CHRNA1: variants seen among roughly 807,000 people sequenced by gnomAD.
CHRNA1 encodes the protein cholinergic receptor nicotinic alpha 1 subunit.
Under a neutral mutation model 47.1 loss-of-function variants are expected in CHRNA1, and 35 were observed. That is an observed-to-expected ratio of 0.74 (90% CI 0.57 to 0.99). The LOEUF is 0.99. Ranked by LOEUF, CHRNA1 falls within the 50% of genes least tolerant of loss-of-function variation. The pLI is 0.00. For synonymous variants in CHRNA1, 229 were observed against 223.6 expected (o/e 1.02, Z -0.22); for missense variants, 506 against 591.1 (o/e 0.86, Z 1.49).
chr2:174,755,395 C>T (rs1683959962), intron 4 of CHRNA1, among the ~76,000 whole-genome samples: 1 of 151,816 alleles, frequency 6.6e-6, no homozygotes. Flanking sequence ...TTGGATTCTT[C>T]CTCGGAAGCT....
intron 1 of CHRNA1, among the ~76,000 whole-genome samples, chr2:174,760,302 T>C (rs1328692907): frequency 6.6e-6 from 1 of 152,126 alleles, no homozygotes. Flanking sequence ...CAAGTGTCCA[T>C]CAACAGGTAA....
In CHRNA1 at chr2:174,749,975, T is replaced by G; in HGVS notation, c.973A>C (p.Thr325Pro). 3 of 1,614,128 alleles carry G rather than the reference T, an allele frequency of 1.9e-6. No individual in the cohort carries two copies. The highest frequency in any genetic ancestry group is 2.5e-6 in the Non-Finnish European group (3 of 1,180,024). ...VINTHHRSPS[T>P]HVMPNWVRKV... Reference sequence around the variant, plus strand: ...CGCACCCAGTTGGGCATGACATGGGTGCTGGGTGAGCGGTGGTGTGTGTTG... The same window carrying G: ...CGCACCCAGTTGGGCATGACATGGGGGCTGGGTGAGCGGTGGTGTGTGTTG... Residue 325 changes from threonine (T) to proline (P), a missense_variant, in exon 7 of 9, where the codon ACC becomes CCC. Physicochemically the swap from Thr to Pro is conservative, Grantham distance 38 (BLOSUM62 -1). Coordinates refer to ENST00000348749, the MANE Select transcript of CHRNA1 (RefSeq NM_000079.4).
In CHRNA1 at chr2:174,758,340, C is replaced by T. The variant is rs1350214981; in HGVS notation, c.235-665G>A. On this transcript the variant is annotated intron_variant, in intron 3 of 8. Transcript: ENST00000348749. ...AGGAGAATCGCTTGAACCTGGGAGGCAGAGGTTGCAGTGAGCCGAGATCGC... is the reference window on the plus strand; with the variant it reads ...AGGAGAATCGCTTGAACCTGGGAGGTAGAGGTTGCAGTGAGCCGAGATCGC... 2.0e-5 allele frequency among the ~76,000 whole-genome samples: 3 copies of T among 152,080 alleles called. No individual in the cohort carries two copies. In the East Asian group the frequency reaches 5.8e-4, roughly 29 times the overall value.
At chr2:174,760,534 G>A (rs928464206) in intron 1 of CHRNA1, among the ~76,000 whole-genome samples, 3 of 152,178 alleles carry the variant, frequency 2.0e-5, no homozygotes, top group African/African-American at 7.2e-5. Flanking sequence ...CAGAGCAGGA[G>A]TTACCAGGGA....
chr2:174,755,556 C>T (rs901366744), intron 4 of CHRNA1, among the ~76,000 whole-genome samples: 1 of 151,736 alleles, frequency 6.6e-6, no homozygotes, highest in Non-Finnish European at 1.5e-5. Context: ...GTAGCTGGGA[C>T]TACAGGCGCC....
intron 4 of CHRNA1, among the ~76,000 whole-genome samples, chr2:174,756,543 T>A (rs377136694): frequency 6.6e-6 from 1 of 152,202 alleles, no homozygotes. Flanking sequence ...ACCAGGGTGA[T>A]CCTGAGTGAG....
chr2:174,754,306 G>A lies in CHRNA1; in HGVS notation c.453C>T (p.Ile151=), dbSNP rs372122272. The A allele has an allele frequency of 3.7e-5, 59 of 1,614,076 alleles. No homozygotes were observed. The highest frequency in any genetic ancestry group is 4.4e-5 in the Non-Finnish European group (52 of 1,180,040). The stretch of plus-strand genomic sequence containing the variant: ...GTTCATCAAAGGGAAAGTGGGTGAC[G>A]ATGATCTCACAGTAGCTTTTAAAGA... ...PAIFKSYCEI[I]VTHFPFDEQN... Residue 151 remains isoleucine (I), a synonymous_variant, in exon 5 of 9, where the codon ATC becomes ATT. Transcript: ENST00000348749.
chr2:174,758,324 G>T (rs1201639845), intron 3 of CHRNA1, among the ~76,000 whole-genome samples: 2 of 152,032 alleles, frequency 1.3e-5, no homozygotes, highest in African/African-American at 4.8e-5. Flanking sequence ...CAGGAGAATC[G>T]CTTGAACCTG....
chr2:174,763,600 T>C (rs1684137002), intron 1 of CHRNA1, among the ~76,000 whole-genome samples: 1 of 152,196 alleles, frequency 6.6e-6, no homozygotes, highest in Non-Finnish European at 1.5e-5. Flanking sequence ...TCAGCAAACA[T>C]CTCCTGTTTC....
chr2:174,762,960 C>G (rs577763582), intron 1 of CHRNA1, among the ~76,000 whole-genome samples: 2 of 152,304 alleles, frequency 1.3e-5, no homozygotes, highest in African/African-American at 4.8e-5. Flanking sequence ...CTACCTTTGG[C>G]TAGTTCAGGC....
intron 1 of CHRNA1, among the ~76,000 whole-genome samples, 191 bp from the exon 2 acceptor site, chr2:174,759,824 T>C (rs1275272733): frequency 1.3e-5 from 2 of 152,000 alleles, no homozygotes; most frequent in Non-Finnish European, 2.9e-5. Context: ...GTTGCTGGTG[T>C]GGTCCCTTAC....
chr2:174,761,457 GGTGC>G (rs1684099099), intron 1 of CHRNA1, among the ~76,000 whole-genome samples: 1 of 151,860 alleles, frequency 6.6e-6, no homozygotes, highest in South Asian at 2.1e-4. Context: ...AAATTACCTG[GGTGC>G]GCACCACCAC....
At chr2:174,749,173 A>C (rs1476341315) in intron 7 of CHRNA1, among the ~76,000 whole-genome samples, 1 of 152,204 alleles carries the variant, frequency 6.6e-6, no homozygotes, top group Admixed American at 6.5e-5. Flanking sequence ...TCAAATGGTT[A>C]AAGAAGGGGC....
Position 174,747,954 on chromosome 2 carries a change from A to C in CHRNA1, c.*170T>G. 1.2e-6 allele frequency: 1 copy of C among 830,188 alleles called. No individual in the cohort carries two copies. Among genetic ancestry groups the C allele is most frequent in the Non-Finnish European group, 1.9e-6 (1 of 521,320 alleles). 51.4% of individuals were successfully genotyped at this position (830,188 alleles called of 1,614,324 possible). On this transcript the variant is annotated 3_prime_UTR_variant, in exon 9 of 9. Transcript: ENST00000348749. Reference sequence around the variant, plus strand: ...GAACTAAAGGGAGAAGCAATATGAAAACACTTCAAGGCCATAAACTTACAT... The same window carrying C: ...GAACTAAAGGGAGAAGCAATATGAACACACTTCAAGGCCATAAACTTACAT...
rs753250273 is a variant in CHRNA1, at chr2:174,757,617, AT to A, written c.292del (p.Ile98PhefsTer67). On this transcript the variant is annotated frameshift_variant, in exon 4 of 9. Coordinates refer to ENST00000348749, the MANE Select transcript of CHRNA1 (RefSeq NM_000079.4). LOFTEE classifies it high-confidence loss of function. ...NPDDYGGVKK[I>X]HIPSEKIWRP... ...CCAGATCTTTTCTGAAGGAATGTGA[AT>A]TTTTTTCACACCGCCATAGTCATCT... is the stretch of plus-strand genomic sequence containing the variant. 1 of 1,613,998 alleles carries A rather than the reference AT, an allele frequency of 6.2e-7. No homozygotes were observed. Among genetic ancestry groups the A allele is most frequent in the Admixed American group, 1.7e-5 (1 of 60,010 alleles).
rs1432987194 is a variant in CHRNA1 at position 174,754,410 on chromosome 2, CT to C, written c.348del (p.Asp117MetfsTer48). On this transcript the variant is annotated frameshift_variant, in exon 5 of 9. Transcript: ENST00000348749. LOFTEE classifies it high-confidence loss of function. ...AACTTGACAATAGCAAAGTCACCAT[CT>C]GCACTACAATTGGGATAAAAGAGGA... is the stretch of plus-strand genomic sequence containing the variant. ...WRPDLVLYNN[A>X]DGDFAIVKFT... The C allele has an allele frequency of 4.3e-6, 7 of 1,613,986 alleles. No individual in the cohort carries two copies. Among genetic ancestry groups the C allele is most frequent in the Non-Finnish European group, 5.9e-6 (7 of 1,179,992 alleles).
Position 174,764,357 on chromosome 2 carries a change from C to G in CHRNA1, c.38G>C (p.Cys13Ser). Reference sequence around the variant, plus strand: ...CCCCTGACCCCAGCACTTACCTGAGCAAAGGCTAAAGAGCAGGAGGAGAGG... The same window carrying G: ...CCCCTGACCCCAGCACTTACCTGAGGAAAGGCTAAAGAGCAGGAGGAGAGG... ...PWPLLLLFSL[C>S]SAGLVLGSEH... Residue 13 changes from cysteine to serine, a missense_variant, in exon 1 of 9, where the codon TGC (cysteine) becomes TCC (serine). Transcript: ENST00000348749. 1 of 1,613,472 alleles carries G rather than the reference C, an allele frequency of 6.2e-7. No individual in the cohort carries two copies. The highest frequency in any genetic ancestry group is 2.2e-5 in the East Asian group (1 of 44,868).
rs564707715 is a variant in CHRNA1, at chr2:174,757,520, C to T, written c.344+46G>A. On this transcript the variant is annotated intron_variant, in intron 4 of 8. Transcript: ENST00000348749. The stretch of plus-strand genomic sequence containing the variant: ...AGCCCTTCTATTAGGGCACTTTATT[C>T]CACCTGCCCCAGGAGCACCCTCCGC... The T allele has an allele frequency of 2.4e-4, 340 of 1,425,644 alleles. 2 individuals are homozygous for T. The South Asian group carries it at 3.7e-3, about 15-fold the overall frequency. The allele number at this position is 1,425,644 out of a possible 1,614,324, so 88.3% of individuals were successfully genotyped here. A position where few individuals can be genotyped will look rare whatever the true frequency, so the allele number is the denominator to read the frequency against.
At chr2:174,754,834 C>T (rs894859774) in intron 4 of CHRNA1, among the ~76,000 whole-genome samples, 44 of 151,654 alleles carry the variant, frequency 2.9e-4, no homozygotes, top group African/African-American at 1.0e-3. Flanking sequence ...AAAACACCTC[C>T]AGCGACTCAT....
Sources: allele counts gnomAD v4.1 joint callset (sites outside exome capture counted in the v4.1 genomes callset), GRCh38; gene constraint gnomAD v4.1.1; transcripts MANE v1.5; gene names NCBI Gene and HGNC (gene_info 2026-07-23, HGNC 2026-07-21).